The following LY75 variants were observed in gnomAD, a reference collection of about 807,000 sequenced individuals.
LY75 encodes the protein lymphocyte antigen 75.
A neutral mutation model predicts 231.7 loss-of-function variants in LY75; 185 were observed. The ratio of observed to expected loss-of-function variants is 0.80; its 90% CI spans 0.71 to 0.90. LY75 has a LOEUF of 0.90. LY75 is among the 40% of genes least tolerant of loss of function. The pLI is 0.00. For missense variants in LY75, 1,947 were observed against 2,050.2 expected (o/e 0.95, Z 0.97); for synonymous variants, 668 against 689.0 (o/e 0.97, Z 0.48).
In LY75 at chr2:159,804,958, A is replaced by G; in HGVS notation, c.*86T>C. On this transcript the variant is annotated 3_prime_UTR_variant, in exon 35 of 35. Transcript: ENST00000263636. ...AAAGTATTTAAGAGTTCTACTTTGG[A>G]GCAGAGTAAATACTGACACTGGGAC... 9.8e-7 allele frequency: 1 copy of G among 1,023,466 alleles called. No individual in the cohort carries two copies. The highest frequency in any genetic ancestry group is 1.6e-5 in the South Asian group (1 of 64,412). The allele number at this position is 1,023,466 out of a possible 1,614,324, so 63.4% of individuals were successfully genotyped here. A position where few individuals can be genotyped will look rare whatever the true frequency, so the allele number is the denominator to read the frequency against.
intron 14 of LY75, among the ~76,000 whole-genome samples, chr2:159,863,990 T>C (rs1318512728): frequency 6.6e-6 from 1 of 152,206 alleles, no homozygotes; most frequent in African/African-American, 2.4e-5. Flanking sequence ...AAAGCCTAGA[T>C]GTGTAGCCTA....
chr2:159,881,051 A>G, intron 8 of LY75, 32 bp downstream of exon 8: 7 of 1,596,988 alleles, frequency 4.4e-6, no homozygotes, highest in Non-Finnish European at 6.0e-6. Flanking sequence ...TAAAACAGGA[A>G]GAATATAAAG....
chr2:159,869,346 C>T (rs1262782506), intron 13 of LY75, among the ~76,000 whole-genome samples: 1 of 151,588 alleles, frequency 6.6e-6, no homozygotes, highest in Non-Finnish European at 1.5e-5. Context: ...GAGGTGGCCA[C>T]CATGAGGACT....
At chr2:159,879,181 T>C in intron 9 of LY75, 78 bp downstream of exon 9, 1 of 1,482,272 alleles carries the variant, frequency 6.7e-7, no homozygotes, top group Non-Finnish European at 9.1e-7. Flanking sequence ...AAGTCTGAGT[T>C]ATTTAAGTCT....
intron 4 of LY75, among the ~76,000 whole-genome samples, chr2:159,887,863 T>G (rs1685641357): frequency 6.6e-6 from 1 of 152,198 alleles, no homozygotes. Context: ...TAAAGAATCG[T>G]GCAACATTTG....
intron 13 of LY75, among the ~76,000 whole-genome samples, chr2:159,870,318 G>A (rs972272697): frequency 2.0e-5 from 3 of 152,076 alleles, no homozygotes; most frequent in African/African-American, 7.2e-5. Flanking sequence ...GGGTGTGGTG[G>A]CATGTGATTG....
Position 159,816,930 on chromosome 2 carries a change from A to C in LY75, c.4256T>G (p.Leu1419Ter). ...ACCTCCACTTTGAGAACACATGTTT[A>C]ATGCTTCATACCATGTTACCTTTTT... Reference protein sequence around the residue: ...IQKKVTWYEALNMCSQSGGHL... With the variant: ...IQKKVTWYEA Residue 1419 changes from leucine to a stop codon, truncating the protein, a stop_gained, in exon 30 of 35, where the codon TTA becomes TGA. Coordinates refer to ENST00000263636, the MANE Select transcript of LY75 (RefSeq NM_002349.4). LOFTEE classifies it high-confidence loss of function. The C allele has an allele frequency of 6.2e-7, 1 of 1,614,200 alleles. No individual in the cohort carries two copies. Among genetic ancestry groups the C allele is most frequent in the Non-Finnish European group, 8.5e-7 (1 of 1,180,026 alleles).
At chr2:159,816,182 A>G (rs1683115484) in intron 30 of LY75, among the ~76,000 whole-genome samples, 1 of 152,174 alleles carries the variant, frequency 6.6e-6, no homozygotes, top group Admixed American at 6.5e-5. Context: ...ATAGATAACC[A>G]TTTTTTGTAC....
intron 28 of LY75, among the ~76,000 whole-genome samples, chr2:159,822,374 G>C (rs1683324686): frequency 6.6e-6 from 1 of 152,226 alleles, no homozygotes; most frequent in African/African-American, 2.4e-5. Context: ...CGCCATTGCT[G>C]AGGCTCGAGT....
chr2:159,811,880 C>T (rs1283494494), intron 31 of LY75, among the ~76,000 whole-genome samples: 1 of 152,214 alleles, frequency 6.6e-6, no homozygotes, highest in Non-Finnish European at 1.5e-5. Flanking sequence ...CCAGCTGCTG[C>T]AGATCAAAAT....
At chr2:159,872,389 C>A in intron 13 of LY75, 62 bp downstream of exon 13, 2 of 1,565,514 alleles carry the variant, frequency 1.3e-6, no homozygotes, top group South Asian at 1.2e-5. Context: ...AAGAACATGT[C>A]AATTTTGAAT....
At position 159,860,872 on chromosome 2, in the gene LY75, C is replaced by T. The variant is rs1684681208; in HGVS notation, c.2217G>A (p.Met739Ile). ...SDRTPVSTII[M>I]PNEFQQDYDI... is the part of the protein sequence containing the mutation. The stretch of plus-strand genomic sequence containing the variant: ...CATAATCCTGCTGAAACTCATTTGG[C>T]ATGATAATAGTAGACACCTGAAAAG... Residue 739 changes from methionine to isoleucine, a missense_variant, in exon 15 of 35, where the codon ATG becomes ATA. Coordinates refer to ENST00000263636, the MANE Select transcript of LY75 (RefSeq NM_002349.4). The T allele has an allele frequency of 3.1e-6, 5 of 1,613,754 alleles. No homozygotes were observed. The highest frequency in any genetic ancestry group is 1.7e-5 in the Admixed American group (1 of 60,004).
chr2:159,866,641 G>A (rs951409356), intron 13 of LY75, among the ~76,000 whole-genome samples: 7 of 152,054 alleles, frequency 4.6e-5, no homozygotes, highest in Non-Finnish European at 8.8e-5. Context: ...TAAACCACAG[G>A]GTCTAGACAA....
In LY75 at chr2:159,860,736, A is replaced by AAG. The variant is rs1447095947; in HGVS notation, c.2268+83_2268+84dup. On this transcript the variant is annotated intron_variant, in intron 15 of 34. Coordinates refer to ENST00000263636, the MANE Select transcript of LY75 (RefSeq NM_002349.4). ...CATCTAACATCATGCTTCACATAAA[A>AAG]AGACACTCCATGGATCTGTTACTTG... 5 of 1,530,078 alleles carry AAG rather than the reference A, an allele frequency of 3.3e-6. No homozygotes were observed. In the African/African-American group the frequency reaches 5.5e-5, roughly 17 times the overall value. 94.8% of individuals were successfully genotyped at this position (1,530,078 alleles called of 1,614,324 possible).
chr2:159,879,426 G>C, intron 8 of LY75, 57 bp from the exon 9 acceptor site: 2 of 1,598,332 alleles, frequency 1.3e-6, no homozygotes, highest in Non-Finnish European at 1.7e-6. Flanking sequence ...CGCATATTCA[G>C]AACTGAACTC....
At position 159,842,191 on chromosome 2, in the gene LY75, A is replaced by C. The variant is rs113727198; in HGVS notation, c.3280+54T>G. On this transcript the variant is annotated intron_variant, in intron 24 of 34. Transcript: ENST00000263636. Reference sequence around the variant, plus strand: ...AGAAAGTGACTCTCTCTCTCTCTATATATATATATGTAATAGCATAAAGTA... The same window carrying C: ...AGAAAGTGACTCTCTCTCTCTCTATCTATATATATGTAATAGCATAAAGTA... 4,063 of 1,528,984 alleles carry C rather than the reference A, an allele frequency of 2.7e-3. 27 individuals carry two copies. Among genetic ancestry groups the C allele is most frequent in the African/African-American group, 4.6e-3 (314 of 68,938 alleles). The allele number at this position is 1,528,984 out of a possible 1,614,324, so 94.7% of individuals were successfully genotyped here.
rs957732855 is a variant in LY75, at chr2:159,875,197, A to G, written c.1974+247T>C. 4.0e-5 allele frequency among the ~76,000 whole-genome samples: 6 copies of G among 151,804 alleles called. No homozygotes were observed. In the East Asian group the frequency reaches 1.2e-3, roughly 29 times the overall value. The stretch of plus-strand genomic sequence containing the variant: ...ATATAGTACACCAACTTACTGGGAA[A>G]AAAAGACCTTGGGGTGGAGCCACTT... On this transcript the variant is annotated intron_variant, in intron 12 of 34. Transcript: ENST00000263636.
rs754126460 is a variant in LY75 at position 159,885,144 on chromosome 2, G to C, written c.1054+9C>G. On this transcript the variant is annotated intron_variant, in intron 6 of 34. Transcript: ENST00000263636. ...TTTGTCTATTTGTATGAGTATGTGA[G>C]AAAGATACCTGTTAACTCCACTGTA... 1 of 1,611,440 alleles carries C rather than the reference G, an allele frequency of 6.2e-7. No individual in the cohort carries two copies. The highest frequency in any genetic ancestry group is 2.2e-5 in the East Asian group (1 of 44,824).
chr2:159,834,149 T>A lies in LY75; in HGVS notation c.3736A>T (p.Thr1246Ser). 2 of 1,614,020 alleles carry A rather than the reference T, an allele frequency of 1.2e-6. No homozygotes were observed. Among genetic ancestry groups the A allele is most frequent in the Non-Finnish European group, 1.7e-6 (2 of 1,179,948 alleles). Residue 1246 changes from threonine (T) to serine (S), a missense_variant, in exon 27 of 35, where the codon ACT becomes TCT. Coordinates refer to ENST00000263636, the MANE Select transcript of LY75 (RefSeq NM_002349.4). ...CAGTTCTGAAATGGTATCCACGGAG[T>A]ATTTAGAACAGGAGATGGACATTTA... Reference protein sequence around the residue: ...SVKCPSPVLNTPWIPFQNCCY... With the variant: ...SVKCPSPVLNSPWIPFQNCCY...
Sources: allele counts gnomAD v4.1 joint callset (sites outside exome capture counted in the v4.1 genomes callset), GRCh38; gene constraint gnomAD v4.1.1; transcripts MANE v1.5; gene names NCBI Gene and HGNC (gene_info 2026-07-23, HGNC 2026-07-21).